Variants in CACNA2D3 observed in about 807,000 individuals in gnomAD.
The protein encoded by CACNA2D3 is calcium voltage-gated channel auxiliary subunit alpha2delta 3, also known as voltage-dependent calcium channel subunit alpha-2/delta-3.
Under a neutral mutation model 160.6 loss-of-function variants are expected in CACNA2D3, and 60 were observed. The ratio of observed to expected loss-of-function variants is 0.37; its 90% CI spans 0.30 to 0.46. The LOEUF is 0.46. CACNA2D3 is among the 20% of genes least tolerant of loss of function. CACNA2D3 has a pLI of 1.00. For missense variants in CACNA2D3, 1,205 were observed against 1,365.0 expected, an observed-to-expected ratio of 0.88 and a Z score of 1.85; for synonymous variants, 558 against 492.9, an observed-to-expected ratio of 1.13 and a Z score of -1.75.
Position 54,924,810 on chromosome 3 carries a change from G to A in CACNA2D3, c.2449+24942G>A, listed in dbSNP as rs147133918. ...CTCCCAAGTCTCTCCCAAGGATGTG[G>A]GAAGGTGGCTTATGTTGTTTGATGA... On this transcript the variant is annotated intron_variant, in intron 27 of 37. Coordinates refer to ENST00000474759, the MANE Select transcript of CACNA2D3 (RefSeq NM_018398.3). 7 of 1,613,988 alleles carry A rather than the reference G, an allele frequency of 4.3e-6. No individual in the cohort carries two copies. The African/African-American group carries it at 9.3e-5, about 22-fold the overall frequency.
At chr3:54,432,294 CTT>C (rs1700001876) in intron 4 of CACNA2D3, among the ~76,000 whole-genome samples, 1 of 152,078 alleles carries the variant, frequency 6.6e-6, no homozygotes, top group African/African-American at 2.4e-5. Flanking sequence ...AAAATAAACT[CTT>C]TTCTGTCTGG....
At chr3:55,073,586 T>A in intron 36 of CACNA2D3, 29 bp downstream of exon 36, 1 of 1,560,842 alleles carries the variant, frequency 6.4e-7, no homozygotes, top group Non-Finnish European at 8.8e-7. Context: ...GTCCACTCAC[T>A]ACCACGGAAA....
rs142310038 is a variant in CACNA2D3 at position 54,247,592 on chromosome 3, A to G, written c.205-72850A>G. Among the ~76,000 whole-genome samples the G allele has an allele frequency of 3.6e-3, 546 of 152,292 alleles. 1 individual carries two copies. Among genetic ancestry groups the G allele is most frequent in the Non-Finnish European group, 6.6e-3 (449 of 68,028 alleles). ...GAACATTGTAAATATAAAAAATAGG[A>G]ACATTGTAAATATAAAAAATAGACA... is the stretch of plus-strand genomic sequence containing the variant. On this transcript the variant is annotated intron_variant, in intron 2 of 37. Transcript: ENST00000474759.
At chr3:54,301,835 C>T (rs577394093) in intron 2 of CACNA2D3, among the ~76,000 whole-genome samples, 45 of 152,246 alleles carry the variant, frequency 3.0e-4, no homozygotes, top group African/African-American at 8.9e-4. Context: ...TTAGATTTAC[C>T]GATGTTTGGA....
intron 27 of CACNA2D3, among the ~76,000 whole-genome samples, chr3:54,930,716 T>C (rs1364009681): frequency 6.6e-6 from 1 of 152,226 alleles, no homozygotes; most frequent in African/African-American, 2.4e-5. Flanking sequence ...ATCTGTAGAA[T>C]GTAGATAATA....
At chr3:54,836,242 G>GTTTTTTTTTTTTTTTT (rs1559599873) in intron 14 of CACNA2D3, among the ~76,000 whole-genome samples, 1 of 78,836 alleles carries the variant, frequency 1.3e-5, no homozygotes, top group Non-Finnish European at 2.6e-5. Context: ...TTTTTTTTTT[G>GTTTTTTTTTTTTTTTT]TTTTTGTTTT....
chr3:55,019,104 TTTC>T (rs1703392651), intron 35 of CACNA2D3, among the ~76,000 whole-genome samples: 1 of 151,654 alleles, frequency 6.6e-6, no homozygotes, highest in Non-Finnish European at 1.5e-5. Flanking sequence ...TCTTTCTTTC[TTTC>T]TTTTTTTAAT....
chr3:54,621,239 C>T lies in CACNA2D3; in HGVS notation c.964-6548C>T, dbSNP rs1486454595. ...ATAATTACATAGACAGGAAAAAAAACATGATTGCTGTGATCACAGAGAGTC... is the reference window on the plus strand; with the variant it reads ...ATAATTACATAGACAGGAAAAAAAATATGATTGCTGTGATCACAGAGAGTC... On this transcript the variant is annotated intron_variant, in intron 9 of 37. Transcript: ENST00000474759. Among the ~76,000 whole-genome samples the T allele has an allele frequency of 2.0e-5, 3 of 152,196 alleles. No homozygotes were observed. In the East Asian group the frequency reaches 5.8e-4, roughly 29 times the overall value.
intron 2 of CACNA2D3, among the ~76,000 whole-genome samples, chr3:54,224,910 C>T (rs1484346285): frequency 1.3e-5 from 2 of 149,564 alleles, no homozygotes; most frequent in East Asian, 3.9e-4. Flanking sequence ...GCTTAGATTC[C>T]CGAAGCTTCC....
intron 3 of CACNA2D3, among the ~76,000 whole-genome samples, chr3:54,328,574 G>A (rs1015758012): frequency 6.6e-6 from 1 of 152,132 alleles, no homozygotes; most frequent in African/African-American, 2.4e-5. Context: ...GAGCCACCAC[G>A]CCTGGCCTCA....
At chr3:54,510,059 A>G (rs1463791508) in intron 5 of CACNA2D3, among the ~76,000 whole-genome samples, 4 of 152,308 alleles carry the variant, frequency 2.6e-5, no homozygotes, top group Admixed American at 2.0e-4. Context: ...GTTGCATTTC[A>G]TGAATGAGTA....
At chr3:54,823,118 G>A (rs545681672) in intron 14 of CACNA2D3, among the ~76,000 whole-genome samples, 1 of 151,962 alleles carries the variant, frequency 6.6e-6, no homozygotes, top group Admixed American at 6.6e-5. Flanking sequence ...GCCTCCCAAA[G>A]TGCTGGGATT....
intron 2 of CACNA2D3, among the ~76,000 whole-genome samples, chr3:54,147,975 T>C (rs1559862515): frequency 6.6e-6 from 1 of 152,068 alleles, no homozygotes; most frequent in Non-Finnish European, 1.5e-5. Flanking sequence ...CCCAGCTAAT[T>C]TTTATATTTT....
intron 2 of CACNA2D3, among the ~76,000 whole-genome samples, chr3:54,263,942 C>T (rs1172506292): frequency 6.6e-6 from 1 of 152,090 alleles, no homozygotes; most frequent in East Asian, 1.9e-4. Context: ...TGTTAAACTT[C>T]ATTATTAATA....
chr3:54,361,172 GA>G (rs1406216585), intron 3 of CACNA2D3, among the ~76,000 whole-genome samples: 2 of 151,484 alleles, frequency 1.3e-5, no homozygotes, highest in African/African-American at 2.4e-5. Flanking sequence ...TGTTTTTATG[GA>G]AGGTTAAGTA....
intron 4 of CACNA2D3, among the ~76,000 whole-genome samples, chr3:54,496,641 AT>A (rs1311842098): frequency 1.3e-5 from 2 of 152,200 alleles, no homozygotes; most frequent in East Asian, 3.9e-4. Flanking sequence ...GAAGTTTTGA[AT>A]TTTCATAAAT....
chr3:54,327,165 G>T (rs905122826), intron 3 of CACNA2D3, among the ~76,000 whole-genome samples: 2 of 152,164 alleles, frequency 1.3e-5, no homozygotes, highest in African/African-American at 4.8e-5. Context: ...CAGGGTTTCC[G>T]CTAACATACT....
At chr3:54,566,677 T>C (rs1037828331) in intron 6 of CACNA2D3, among the ~76,000 whole-genome samples, 1 of 152,186 alleles carries the variant, frequency 6.6e-6, no homozygotes, top group Non-Finnish European at 1.5e-5. Flanking sequence ...GAAGCCCTGG[T>C]CCCTTCCCCA....
At chr3:54,791,972 A>G (rs577223329) in intron 13 of CACNA2D3, among the ~76,000 whole-genome samples, 155 of 152,342 alleles carry the variant, frequency 1.0e-3, no homozygotes, top group African/African-American at 3.6e-3. Context: ...TGCAAAAACA[A>G]TGAACCTGCT....
Sources: gnomAD v4.1 joint callset for allele counts (sites outside exome capture counted in the v4.1 genomes callset) on GRCh38, gnomAD v4.1.1 for gene constraint, MANE v1.5 for transcripts, NCBI Gene and HGNC (gene_info 2026-07-23, HGNC 2026-07-21) for gene names.